RPP14: variants seen among roughly 807,000 people sequenced by gnomAD.
The protein encoded by RPP14 is ribonuclease P protein subunit p14.
RPP14 carries 19 observed loss-of-function variants against 17.8 expected under a neutral mutation model. The observed-to-expected ratio is 1.07, with a 90% CI of 0.74 to 1.57. RPP14 has a LOEUF of 1.57. Ranked by LOEUF, RPP14 falls within the 40% of genes most tolerant of loss-of-function variation. RPP14 has a pLI of 0.00. For synonymous variants in RPP14, 60 were observed against 56.4 expected (o/e 1.06, Z -0.29); for missense variants, 125 against 140.8 (o/e 0.89, Z 0.57).
chr3:58,308,542 T>A (rs1454593960), intron 1 of RPP14, among the ~76,000 whole-genome samples: 1 of 152,134 alleles, frequency 6.6e-6, no homozygotes. Context: ...CTGTTGAGAT[T>A]ACAGGCATGA....
At chr3:58,310,615 A>G in intron 3 of RPP14, 24 bp downstream of exon 3, 2 of 1,576,528 alleles carry the variant, frequency 1.3e-6, no homozygotes, top group African/African-American at 1.4e-5. Context: ...TGGTAGATTG[A>G]ACATTCCAAA....
intron 3 of RPP14, 128 bp from the exon 4 acceptor site, chr3:58,316,387 C>T (rs750801979): frequency 1.4e-5 from 11 of 802,342 alleles, no homozygotes; most frequent in Non-Finnish European, 2.1e-5. Context: ...ACTAAAGTGC[C>T]AGCACCATTA....
chr3:58,316,778 C>G (rs375391430), intron 4 of RPP14, 137 bp from the exon 5 acceptor site: 5 of 886,502 alleles, frequency 5.6e-6, no homozygotes, highest in South Asian at 3.3e-5. Flanking sequence ...GCAAAACTTA[C>G]GATTTGGTTA....
chr3:58,318,012 G>A lies in RPP14; in HGVS notation c.*516G>A, dbSNP rs1450992424. On this transcript the variant is annotated 3_prime_UTR_variant, in exon 6 of 6. Coordinates refer to ENST00000295959, the MANE Select transcript of RPP14 (RefSeq NM_007042.6). Reference sequence around the variant, plus strand: ...TAGCTTCTGCAGAAGTGAAAAAGCTGAAGCGGTTCATTGCTATTATTGCAG... The same window carrying A: ...TAGCTTCTGCAGAAGTGAAAAAGCTAAAGCGGTTCATTGCTATTATTGCAG... The A allele has an allele frequency of 1.4e-6, 1 of 702,744 alleles. No individual in the cohort carries two copies. The allele number at this position is 702,744 out of a possible 1,614,324, so 43.5% of individuals were successfully genotyped here.
chr3:58,318,028 A>T lies in RPP14; in HGVS notation c.*532A>T. ...GAAAAAGCTGAAGCGGTTCATTGCT[A>T]TTATTGCAGTGTCATGTTCTGTAAT... On this transcript the variant is annotated 3_prime_UTR_variant, in exon 6 of 6. Coordinates refer to ENST00000295959, the MANE Select transcript of RPP14 (RefSeq NM_007042.6). 1.4e-6 allele frequency: 1 copy of T among 702,616 alleles called. No individual in the cohort carries two copies. The highest frequency in any genetic ancestry group is 2.6e-6 in the Non-Finnish European group (1 of 384,916). The allele number at this position is 702,616 out of a possible 1,614,324, so 43.5% of individuals were successfully genotyped here.
chr3:58,318,587 G>T lies in RPP14; in HGVS notation c.*1091G>T. Reference sequence around the variant, plus strand: ...CTTGGGAGGCTGAGGTGGGAGAATTGCTTGGGCCTGAGAGCTGGAGGTTAT... The same window carrying T: ...CTTGGGAGGCTGAGGTGGGAGAATTTCTTGGGCCTGAGAGCTGGAGGTTAT... On this transcript the variant is annotated 3_prime_UTR_variant, in exon 6 of 6. Transcript: ENST00000295959. 6.6e-6 allele frequency: 1 copy of T among 152,574 alleles called. No individual in the cohort carries two copies. Among genetic ancestry groups the T allele is most frequent in the Non-Finnish European group, 1.4e-5 (1 of 69,274 alleles). 9.5% of individuals were successfully genotyped at this position (152,574 alleles called of 1,614,324 possible). A position where few individuals can be genotyped will look rare whatever the true frequency, so the allele number is the denominator to read the frequency against.
intron 3 of RPP14, among the ~76,000 whole-genome samples, chr3:58,312,146 A>G (rs1379958357): frequency 6.6e-6 from 1 of 152,144 alleles, no homozygotes; most frequent in African/African-American, 2.4e-5. Context: ...GAGCCACTGC[A>G]CCTGACCTAT....
At chr3:58,306,599 C>T (rs1043449871) in intron 1 of RPP14, 182 bp downstream of exon 1, 1 of 152,050 alleles carries the variant, frequency 6.6e-6, no homozygotes, top group East Asian at 1.9e-4. Context: ...CCGAGAGGCC[C>T]GGGCGAGACT....
chr3:58,310,981 AT>A (rs1164548809), intron 3 of RPP14, among the ~76,000 whole-genome samples: 15 of 143,730 alleles, frequency 1.0e-4, no homozygotes, highest in African/African-American at 2.6e-4. Context: ...AAAAAAAAAA[AT>A]AAATTATACA....
intron 1 of RPP14, 73 bp from the exon 2 acceptor site, chr3:58,310,236 G>A: frequency 2.4e-6 from 3 of 1,244,900 alleles, no homozygotes; most frequent in Non-Finnish European, 3.5e-6. Flanking sequence ...AACCCAAATA[G>A]GCCAAATTCT....
intron 1 of RPP14, among the ~76,000 whole-genome samples, chr3:58,309,154 C>G (rs1483057138): frequency 6.6e-6 from 1 of 152,208 alleles, no homozygotes; most frequent in Non-Finnish European, 1.5e-5. Context: ...ATCCCTCATT[C>G]TTCTCTTTGT....
At chr3:58,316,000 C>T (rs962967509) in intron 3 of RPP14, among the ~76,000 whole-genome samples, 12 of 152,146 alleles carry the variant, frequency 7.9e-5, no homozygotes, top group Non-Finnish European at 1.5e-4. Flanking sequence ...TCTTTGTGAT[C>T]TCTTGTGAGT....
At chr3:58,310,869 G>A (rs940041824) in intron 3 of RPP14, among the ~76,000 whole-genome samples, 6 of 150,740 alleles carry the variant, frequency 4.0e-5, no homozygotes, top group Non-Finnish European at 5.9e-5. Flanking sequence ...GGCAGAGGTT[G>A]CAGTGAGCCG....
chr3:58,314,485 A>T (rs974759089), intron 3 of RPP14, among the ~76,000 whole-genome samples: 2 of 152,202 alleles, frequency 1.3e-5, no homozygotes, highest in African/African-American at 4.8e-5. Flanking sequence ...ACATGGAAAG[A>T]TGTTTAACAT....
chr3:58,306,662 A>C (rs2097475209), intron 1 of RPP14: 1 of 150,422 alleles, frequency 6.6e-6, no homozygotes, highest in Non-Finnish European at 1.5e-5. Flanking sequence ...GTGAGCGCTA[A>C]ATAGTGGTTG....
In RPP14 at chr3:58,306,290, C is replaced by G. The variant is rs1037719725; in HGVS notation, c.-149C>G. The G allele has an allele frequency of 1.1e-4, 17 of 152,316 alleles. No individual in the cohort carries two copies. The highest frequency in any genetic ancestry group is 8.5e-4 in the Admixed American group (13 of 15,280). The allele number at this position is 152,316 out of a possible 1,614,324, so 9.4% of individuals were successfully genotyped here. On this transcript the variant is annotated 5_prime_UTR_variant, in exon 1 of 6. Coordinates refer to ENST00000295959, the MANE Select transcript of RPP14 (RefSeq NM_007042.6). Reference sequence around the variant, plus strand: ...CTTCGTGGGGCGGGACGAGGAGAAGCCAAACGTAAAGACACCAGGAGTTTC... The same window carrying G: ...CTTCGTGGGGCGGGACGAGGAGAAGGCAAACGTAAAGACACCAGGAGTTTC...
At chr3:58,307,094 G>C (rs995522480) in intron 1 of RPP14, among the ~76,000 whole-genome samples, 6 of 152,202 alleles carry the variant, frequency 3.9e-5, no homozygotes, top group African/African-American at 9.6e-5. Context: ...CCGAGGCCCA[G>C]CGGTGGGAGC....
At chr3:58,310,687 C>G (rs574075624) in intron 3 of RPP14, 96 bp downstream of exon 3, 6 of 992,702 alleles carry the variant, frequency 6.0e-6, no homozygotes, top group African/African-American at 1.6e-5. Context: ...AATCCCAGCA[C>G]TTTGGAGGCC....
intron 3 of RPP14, among the ~76,000 whole-genome samples, chr3:58,314,675 A>ATTT (rs751757663): frequency 0.21 from 18,886 of 90,820 alleles, 2,648 homozygotes; most frequent in East Asian, 0.54. Context: ...GTTTGGCAGT[A>ATTT]TTTTTTTTTT....
Sources: allele counts gnomAD v4.1 joint callset (sites outside exome capture counted in the v4.1 genomes callset), GRCh38; gene constraint gnomAD v4.1.1; transcripts MANE v1.5; gene names NCBI Gene and HGNC (gene_info 2026-07-23, HGNC 2026-07-21).